Variants in KCNK13 observed in about 807,000 individuals in gnomAD.
KCNK13 encodes the protein potassium two pore domain channel subfamily K member 13, also known as potassium channel subfamily K member 13.
In KCNK13, 12 loss-of-function variants were observed where a neutral mutation model predicts 23.4. The observed-to-expected ratio is 0.51, with a 90% CI of 0.33 to 0.83. The LOEUF is 0.83. Ranked by LOEUF, KCNK13 falls within the 40% of genes least tolerant of loss-of-function variation. KCNK13 has a pLI of 0.02. For synonymous variants in KCNK13, 231 were observed against 229.5 expected (o/e 1.01, Z -0.06); for missense variants, 463 against 556.3 (o/e 0.83, Z 1.69).
chr14:90,159,315 C>T (rs1488828864), intron 1 of KCNK13, among the ~76,000 whole-genome samples: 1 of 152,176 alleles, frequency 6.6e-6, no homozygotes. Context: ...CAAACCATGA[C>T]AATAGCTAAG....
At chr14:90,179,255 T>C (rs1309554139) in intron 1 of KCNK13, among the ~76,000 whole-genome samples, 1 of 151,756 alleles carries the variant, frequency 6.6e-6, no homozygotes, top group Non-Finnish European at 1.5e-5. Flanking sequence ...ATTTGGAAAA[T>C]AGGAGTTTAT....
intron 1 of KCNK13, among the ~76,000 whole-genome samples, chr14:90,127,648 TAAA>T (rs11323596): frequency 6.5e-5 from 9 of 137,856 alleles, no homozygotes; most frequent in Admixed American, 7.3e-5. Context: ...CCCCCAACTC[TAAA>T]AAAAAAAAAA....
intron 1 of KCNK13, among the ~76,000 whole-genome samples, chr14:90,120,320 C>G (rs1387397811): frequency 2.3e-4 from 35 of 152,094 alleles, no homozygotes; most frequent in Admixed American, 2.2e-3. Flanking sequence ...TGAGGATGAC[C>G]AAGTCTCCCC....
intron 1 of KCNK13, among the ~76,000 whole-genome samples, chr14:90,128,172 T>C (rs1889825056): frequency 6.6e-6 from 1 of 152,176 alleles, no homozygotes. Context: ...ACTGGATCAA[T>C]GGTGCAAACA....
intron 1 of KCNK13, among the ~76,000 whole-genome samples, chr14:90,063,796 T>C (rs1408737785): frequency 6.6e-6 from 1 of 152,188 alleles, no homozygotes; most frequent in Non-Finnish European, 1.5e-5. Context: ...AGATTCATCA[T>C]GAAAGACTTC....
intron 1 of KCNK13, among the ~76,000 whole-genome samples, chr14:90,105,070 A>G (rs925312669): frequency 6.6e-6 from 1 of 152,030 alleles, no homozygotes. Flanking sequence ...GATTACAGGC[A>G]TGAGCCACCA....
chr14:90,155,645 C>T (rs781454999), intron 1 of KCNK13, among the ~76,000 whole-genome samples: 9 of 152,086 alleles, frequency 5.9e-5, no homozygotes, highest in Non-Finnish European at 8.8e-5. Flanking sequence ...GTAGAACAAA[C>T]GGGATCTCTT....
At chr14:90,159,413 G>A (rs1056443170) in intron 1 of KCNK13, among the ~76,000 whole-genome samples, 16 of 152,324 alleles carry the variant, frequency 1.1e-4, no homozygotes, top group African/African-American at 3.8e-4. Flanking sequence ...TGCCCTCAGG[G>A]CCATAAACAC....
chr14:90,170,202 G>A (rs1447619778), intron 1 of KCNK13, among the ~76,000 whole-genome samples: 1 of 151,844 alleles, frequency 6.6e-6, no homozygotes, highest in Non-Finnish European at 1.5e-5. Context: ...AAAATTACAA[G>A]CCTCAATCAT....
At chr14:90,104,094 T>C (rs1361493811) in intron 1 of KCNK13, among the ~76,000 whole-genome samples, 3 of 152,170 alleles carry the variant, frequency 2.0e-5, no homozygotes, top group Non-Finnish European at 4.4e-5. Flanking sequence ...TCTTTTTCTC[T>C]CCTGATCTTA....
chr14:90,089,153 G>A (rs535072070), intron 1 of KCNK13, among the ~76,000 whole-genome samples: 1 of 152,176 alleles, frequency 6.6e-6, no homozygotes, highest in Non-Finnish European at 1.5e-5. Context: ...GGAACAGTTT[G>A]GAGGGCTCAG....
At chr14:90,091,557 G>A (rs1401918376) in intron 1 of KCNK13, among the ~76,000 whole-genome samples, 1 of 152,158 alleles carries the variant, frequency 6.6e-6, no homozygotes, top group African/African-American at 2.4e-5. Flanking sequence ...GTTGATTTTG[G>A]ATAATGCCCA....
chr14:90,094,472 C>T (rs1889384123), intron 1 of KCNK13, among the ~76,000 whole-genome samples: 1 of 152,052 alleles, frequency 6.6e-6, no homozygotes, highest in South Asian at 2.1e-4. Context: ...CTTGTTTCCT[C>T]TTCCTGTGGC....
chr14:90,100,030 A>G (rs990301465), intron 1 of KCNK13, among the ~76,000 whole-genome samples: 8 of 152,202 alleles, frequency 5.3e-5, no homozygotes, highest in Non-Finnish European at 1.0e-4. Flanking sequence ...CCTAAGGCTC[A>G]GCTTGCTCCT....
intron 1 of KCNK13, among the ~76,000 whole-genome samples, chr14:90,144,250 G>T (rs1448638949): frequency 6.6e-6 from 1 of 152,070 alleles, no homozygotes; most frequent in Non-Finnish European, 1.5e-5. Context: ...GTAGTTTTCA[G>T]TGTACTGGTC....
At chr14:90,182,688 G>A (rs1395900242) in intron 1 of KCNK13, among the ~76,000 whole-genome samples, 2 of 152,068 alleles carry the variant, frequency 1.3e-5, no homozygotes, top group South Asian at 2.1e-4. Context: ...CAGGCATAGT[G>A]TGCACAGCTG....
chr14:90,117,578 C>T (rs557388336), intron 1 of KCNK13, among the ~76,000 whole-genome samples: 72 of 151,896 alleles, frequency 4.7e-4, no homozygotes, highest in Non-Finnish European at 9.4e-4. Context: ...CGAGACAGAG[C>T]GAGACTCTGT....
chr14:90,069,676 G>A (rs1889051244), intron 1 of KCNK13, among the ~76,000 whole-genome samples: 1 of 139,482 alleles, frequency 7.2e-6, no homozygotes, highest in African/African-American at 2.6e-5. Flanking sequence ...CATTCAGAAA[G>A]AATAAAAATA....
chr14:90,110,974 A>T (rs1470271095), intron 1 of KCNK13, among the ~76,000 whole-genome samples: 3 of 150,236 alleles, frequency 2.0e-5, no homozygotes, highest in Non-Finnish European at 4.4e-5. Flanking sequence ...GCGCCATTGC[A>T]CTCCAGCCTG....
Sources: allele counts gnomAD v4.1 joint callset (sites outside exome capture counted in the v4.1 genomes callset), GRCh38; gene constraint gnomAD v4.1.1; transcripts MANE v1.5; gene names NCBI Gene and HGNC (gene_info 2026-07-23, HGNC 2026-07-21).